The following RTN1 variants were observed in gnomAD, a reference collection of about 807,000 sequenced individuals.
RTN1 encodes the protein reticulon 1.
RTN1 carries 25 observed loss-of-function variants against 65.5 expected under a neutral mutation model. That is an observed-to-expected ratio of 0.38 (90% CI 0.28 to 0.53). The LOEUF is 0.53. Among genes scored for constraint, RTN1 ranks in the 20% least tolerant of loss-of-function variants. The probability of loss-of-function intolerance (pLI) is 0.79; values close to 1 mark genes in which losing one functional copy is unlikely to be tolerated. For synonymous variants in RTN1, 471 were observed against 447.6 expected, an observed-to-expected ratio of 1.05 and a Z score of -0.66; for missense variants, 983 against 1,025.4, an observed-to-expected ratio of 0.96 and a Z score of 0.57.
intron 1 of RTN1, among the ~76,000 whole-genome samples, chr14:59,763,601 C>T (rs1422977642): frequency 1.4e-5 from 2 of 148,020 alleles, no homozygotes; most frequent in Non-Finnish European, 3.0e-5. Flanking sequence ...GGCACGATCT[C>T]GGCTCACTGC....
intron 8 of RTN1, among the ~76,000 whole-genome samples, chr14:59,597,979 G>C (rs773417594): frequency 2.6e-5 from 4 of 152,152 alleles, no homozygotes; most frequent in Non-Finnish European, 4.4e-5. Flanking sequence ...GAGGAGTTTA[G>C]ATTCTACCCT....
chr14:59,709,809 ATCTAC>A (rs1380326315), intron 3 of RTN1, among the ~76,000 whole-genome samples: 1 of 152,186 alleles, frequency 6.6e-6, no homozygotes, highest in Non-Finnish European at 1.5e-5. Flanking sequence ...GGATTTGTCT[ATCTAC>A]TCTAAAGAGG....
At chr14:59,738,848 A>G (rs2139496859) in intron 2 of RTN1, among the ~76,000 whole-genome samples, 1 of 152,368 alleles carries the variant, frequency 6.6e-6, no homozygotes, top group East Asian at 1.9e-4. Context: ...TATTCTTCAC[A>G]GGGACATGGA....
At chr14:59,644,188 G>A (rs975288272) in intron 3 of RTN1, among the ~76,000 whole-genome samples, 1 of 152,162 alleles carries the variant, frequency 6.6e-6, no homozygotes, top group African/African-American at 2.4e-5. Context: ...AATAGAAGGG[G>A]CGAATAAATA....
intron 3 of RTN1, among the ~76,000 whole-genome samples, chr14:59,697,312 C>T (rs959455799): frequency 6.6e-6 from 1 of 152,128 alleles, no homozygotes; most frequent in Non-Finnish European, 1.5e-5. Flanking sequence ...ATGGTTATTT[C>T]TGGATGTCTT....
intron 1 of RTN1, among the ~76,000 whole-genome samples, chr14:59,748,210 G>GTGTTT (rs1555358548): frequency 2.4e-5 from 3 of 125,988 alleles, no homozygotes; most frequent in Non-Finnish European, 4.9e-5. Context: ...AGTCTGTGAG[G>GTGTTT]TTTTTTTTTT....
At chr14:59,678,217 C>T (rs747306225) in intron 3 of RTN1, among the ~76,000 whole-genome samples, 1 of 151,978 alleles carries the variant, frequency 6.6e-6, no homozygotes, top group Admixed American at 6.5e-5. Context: ...GGTAGGGGTG[C>T]GTGGGGAATG....
intron 1 of RTN1, among the ~76,000 whole-genome samples, chr14:59,778,782 A>G: frequency 6.6e-6 from 1 of 152,164 alleles, no homozygotes; most frequent in East Asian, 1.9e-4. Flanking sequence ...AACCCCTGGG[A>G]GCAAAGGGAT....
At chr14:59,625,404 T>C (rs1031855096) in intron 3 of RTN1, among the ~76,000 whole-genome samples, 2 of 152,188 alleles carry the variant, frequency 1.3e-5, no homozygotes, top group Non-Finnish European at 2.9e-5. Context: ...CTAAAAATGA[T>C]TCAAACCTTT....
chr14:59,628,829 A>T (rs769074375), intron 3 of RTN1, among the ~76,000 whole-genome samples: 1 of 152,222 alleles, frequency 6.6e-6, no homozygotes, highest in Non-Finnish European at 1.5e-5. Flanking sequence ...ATAGATTAAG[A>T]TATTTAATTC....
At chr14:59,742,248 G>A (rs1885129559) in intron 2 of RTN1, among the ~76,000 whole-genome samples, 1 of 152,254 alleles carries the variant, frequency 6.6e-6, no homozygotes, top group East Asian at 1.9e-4. Flanking sequence ...GGTGTTTTAA[G>A]GATGACTTCC....
intron 5 of RTN1, 104 bp from the exon 6 acceptor site, chr14:59,604,025 C>T (rs1303476174): frequency 1.8e-5 from 14 of 799,598 alleles, no homozygotes; most frequent in Non-Finnish European, 2.7e-5. Context: ...CAGAATACAT[C>T]ATGATTTCGA....
intron 3 of RTN1, among the ~76,000 whole-genome samples, chr14:59,636,290 A>G (rs1882663522): frequency 6.6e-6 from 1 of 152,028 alleles, no homozygotes; most frequent in Non-Finnish European, 1.5e-5. Context: ...CTTGGTGATA[A>G]GTGGGTTTTC....
intron 1 of RTN1, among the ~76,000 whole-genome samples, chr14:59,754,896 C>T (rs763691367): frequency 1.3e-4 from 20 of 152,094 alleles, no homozygotes; most frequent in Non-Finnish European, 2.8e-4. Flanking sequence ...TTCACAGCTC[C>T]ACGAGCAGGT....
chr14:59,837,252 A>G (rs1887228784), intron 1 of RTN1, among the ~76,000 whole-genome samples: 1 of 152,098 alleles, frequency 6.6e-6, no homozygotes, highest in Non-Finnish European at 1.5e-5. Context: ...GGTGTTGATG[A>G]TTGGTTAATT....
chr14:59,793,195 T>C (rs562430243), intron 1 of RTN1, among the ~76,000 whole-genome samples: 1 of 152,288 alleles, frequency 6.6e-6, no homozygotes, highest in Non-Finnish European at 1.5e-5. Context: ...CTAATTAACA[T>C]CAAGTACACA....
intron 1 of RTN1, among the ~76,000 whole-genome samples, chr14:59,852,721 T>C (rs775082632): frequency 6.6e-6 from 1 of 152,094 alleles, no homozygotes; most frequent in Non-Finnish European, 1.5e-5. Context: ...TTCTCTCATT[T>C]CTCCATAGCC....
At position 59,868,551 on chromosome 14, in the gene RTN1, G is replaced by A. The variant is rs1026850758; in HGVS notation, c.241+1839C>T. ...ATTGCTAAAAGAGTAAATTTTAAAC[G>A]CTTTTACCACAAAAAAAAAGTACAT... is the stretch of plus-strand genomic sequence containing the variant. On this transcript the variant is annotated intron_variant, in intron 1 of 8. Transcript: ENST00000267484. This position sits in a 1 kb window ranked among gnomAD's most constrained non-coding sequence, Gnocchi z 4.0. 5.9e-5 allele frequency among the ~76,000 whole-genome samples: 9 copies of A among 151,944 alleles called. No individual in the cohort carries two copies. Among genetic ancestry groups the A allele is most frequent in the African/African-American group, 2.2e-4 (9 of 41,364 alleles).
At chr14:59,608,290 T>C (rs980909986) in intron 3 of RTN1, among the ~76,000 whole-genome samples, 2 of 152,224 alleles carry the variant, frequency 1.3e-5, no homozygotes, top group African/African-American at 4.8e-5. Context: ...AAAATTCCCA[T>C]CTCACAACCA....
Sources: allele counts gnomAD v4.1 joint callset (sites outside exome capture counted in the v4.1 genomes callset), GRCh38; gene constraint gnomAD v4.1.1; non-coding constraint Gnocchi (gnomAD v3.1); transcripts MANE v1.5; gene names NCBI Gene and HGNC (gene_info 2026-07-23, HGNC 2026-07-21).